The following FOXN3 variants were observed in gnomAD, a reference collection of about 807,000 sequenced individuals.
FOXN3 encodes the protein forkhead box protein N3.
A neutral mutation model predicts 38.4 loss-of-function variants in FOXN3; 7 were observed. The ratio of observed to expected loss-of-function variants is 0.18; its 90% CI spans 0.10 to 0.34. The LOEUF (loss-of-function observed/expected upper bound fraction) is 0.34, where lower values mean the gene tolerates loss of function less well. Ranked by LOEUF, FOXN3 falls within the 10% of genes least tolerant of loss-of-function variation. The pLI is 1.00. For missense variants in FOXN3, 456 were observed against 613.4 expected (o/e 0.74, Z 2.71); for synonymous variants, 230 against 242.2 (o/e 0.95, Z 0.47).
intron 3 of FOXN3, among the ~76,000 whole-genome samples, chr14:89,288,712 CTCTCTCTCTCTCTA>C (rs1886743512): frequency 8.7e-5 from 6 of 69,150 alleles, no homozygotes; most frequent in Admixed American, 3.6e-4. Flanking sequence ...CTCTCTCTCT[CTCTCTCTCTCTCTA>C]TATATATATA....
intron 1 of FOXN3, among the ~76,000 whole-genome samples, chr14:89,436,166 G>C (rs1403626943): frequency 6.6e-6 from 1 of 151,384 alleles, no homozygotes; most frequent in Non-Finnish European, 1.5e-5. Context: ...ACAACTCATG[G>C]GTAGGAAGAA....
intron 5 of FOXN3, among the ~76,000 whole-genome samples, chr14:89,174,655 T>C (rs1184848544): frequency 1.3e-5 from 2 of 152,182 alleles, no homozygotes; most frequent in South Asian, 2.1e-4. Flanking sequence ...AGCTCTAGAA[T>C]GTTGATCAAA....
chr14:89,263,564 T>TA (rs1298588344), intron 4 of FOXN3: 1 of 152,250 alleles, frequency 6.6e-6, no homozygotes, highest in Non-Finnish European at 1.5e-5. Flanking sequence ...CTTGATTTGA[T>TA]AAAATCTATG....
intron 4 of FOXN3, among the ~76,000 whole-genome samples, chr14:89,197,455 G>A (rs147506778): frequency 0.012 from 1,765 of 151,638 alleles, 41 homozygotes; most frequent in African/African-American, 0.04. Flanking sequence ...GCAGTGAGCC[G>A]AGATGGTGCC....
Position 89,267,459 on chromosome 14 carries a change from GCT to G in FOXN3, c.745+13489_745+13490del, listed in dbSNP as rs534998070. ...AAGCAGGGGCTGGGGCGGTGCTCTG[GCT>G]GGGGGAGGGGAAATGGAAGGACAAG... On this transcript the variant is annotated intron_variant, in intron 4 of 5. Transcript: ENST00000557258. 2.6e-3 allele frequency among the ~76,000 whole-genome samples: 389 copies of G among 152,306 alleles called. 2 individuals are homozygous for G. Among genetic ancestry groups the G allele is most frequent in the Middle Eastern group, 0.01 (3 of 294 alleles).
In FOXN3 at chr14:89,475,457, A is replaced by G. The variant is rs61566162; in HGVS notation, c.-14-62967T>C. On this transcript the variant is annotated intron_variant, in intron 1 of 6. Coordinates refer to the FOXN3 transcript ENST00000345097. ...GATTGCTTGAGCTCAGGAGTTCAAG[A>G]TCAGCCTGGACAACCTAGGGAGACG... 5.7e-3 allele frequency among the ~76,000 whole-genome samples: 867 copies of G among 152,174 alleles called. 10 individuals are homozygous for G. Among genetic ancestry groups the G allele is most frequent in the African/African-American group, 0.019 (794 of 41,510 alleles).
intron 1 of FOXN3, among the ~76,000 whole-genome samples, chr14:89,539,844 A>G (rs1269314247): frequency 6.6e-6 from 1 of 152,240 alleles, no homozygotes; most frequent in Non-Finnish European, 1.5e-5. Context: ...TAAAACAAAA[A>G]TATATTCAAC....
chr14:89,196,870 G>A (rs1486130514), intron 4 of FOXN3, among the ~76,000 whole-genome samples: 3 of 152,206 alleles, frequency 2.0e-5, no homozygotes, highest in Admixed American at 6.5e-5. Flanking sequence ...TACAAGGCCA[G>A]CAGGAAGCCC....
At chr14:89,400,897 T>C (rs564603280) in intron 2 of FOXN3, among the ~76,000 whole-genome samples, 30 of 152,202 alleles carry the variant, frequency 2.0e-4, no homozygotes, top group South Asian at 8.3e-4. Flanking sequence ...TCTGGTACAT[T>C]ACCTACCCTG....
chr14:89,213,642 A>G (rs1566930555), intron 4 of FOXN3, among the ~76,000 whole-genome samples: 1 of 152,224 alleles, frequency 6.6e-6, no homozygotes, highest in East Asian at 1.9e-4. Context: ...GTAAAACTTA[A>G]GTATTTGTTT....
At chr14:89,377,694 CAG>C (rs1437849080) in intron 2 of FOXN3, among the ~76,000 whole-genome samples, 2 of 152,212 alleles carry the variant, frequency 1.3e-5, no homozygotes, top group Non-Finnish European at 2.9e-5. Flanking sequence ...AACCTTATTG[CAG>C]AGAGAACCTG....
chr14:89,562,936 A>T (rs1291038628), intron 1 of FOXN3, among the ~76,000 whole-genome samples: 3 of 152,222 alleles, frequency 2.0e-5, no homozygotes, highest in Non-Finnish European at 2.9e-5. Flanking sequence ...CAGGTTAAAG[A>T]GTGGTCAGTG....
intron 1 of FOXN3, among the ~76,000 whole-genome samples, chr14:89,513,160 A>AG (rs1224633471): frequency 2.7e-5 from 4 of 150,728 alleles, no homozygotes; most frequent in Non-Finnish European, 5.9e-5. Flanking sequence ...GAAAAAAAAA[A>AG]AAAAAAAAAG....
chr14:89,496,083 G>A (rs1016650110), intron 1 of FOXN3, among the ~76,000 whole-genome samples: 2 of 152,096 alleles, frequency 1.3e-5, no homozygotes, highest in Admixed American at 1.3e-4. Flanking sequence ...TGTGGTGGCA[G>A]GCACCTGTAA....
chr14:89,355,398 C>CT (rs11296572), intron 2 of FOXN3: 76,914 of 148,832 alleles, frequency 0.52, 21,460 homozygotes, highest in Admixed American at 0.63. Context: ...CGACTATTTT[C>CT]TTTTTTTTTT....
chr14:89,430,198 A>G (rs1892126056), intron 1 of FOXN3, among the ~76,000 whole-genome samples: 1 of 152,244 alleles, frequency 6.6e-6, no homozygotes, highest in South Asian at 2.1e-4. Flanking sequence ...AACAATGCAC[A>G]AAGGCAAAAT....
At chr14:89,243,719 A>G (rs951492133) in intron 4 of FOXN3, among the ~76,000 whole-genome samples, 5 of 152,242 alleles carry the variant, frequency 3.3e-5, no homozygotes, top group Non-Finnish European at 7.3e-5. Context: ...CAAATGATCA[A>G]TGTCAACCAC....
rs1886981640 is a variant in FOXN3, at chr14:89,156,446, C to A, written c.*5968G>T. The A allele has an allele frequency of 6.6e-6, 1 of 152,618 alleles. No homozygotes were observed. The highest frequency in any genetic ancestry group is 1.5e-5 in the Non-Finnish European group (1 of 68,036). 9.5% of individuals were successfully genotyped at this position (152,618 alleles called of 1,614,324 possible). A position where few individuals can be genotyped will look rare whatever the true frequency, so the allele number is the denominator to read the frequency against. On this transcript the variant is annotated 3_prime_UTR_variant, in exon 6 of 6. Coordinates refer to ENST00000557258, the MANE Select transcript of FOXN3 (RefSeq NM_005197.4). ...AACATAACAGAACATCACGTTCTTT[C>A]TCCTTTATGGTTCTCCCTTTCTATT... is the stretch of plus-strand genomic sequence containing the variant.
intron 3 of FOXN3, among the ~76,000 whole-genome samples, chr14:89,319,299 T>G (rs1392888712): frequency 6.6e-6 from 1 of 151,946 alleles, no homozygotes; most frequent in East Asian, 1.9e-4. Flanking sequence ...AGCAAAAGGA[T>G]ATGAAGCACA....
Sources: gnomAD v4.1 joint callset for allele counts (sites outside exome capture counted in the v4.1 genomes callset) on GRCh38, gnomAD v4.1.1 for gene constraint, MANE v1.5 for transcripts, NCBI Gene and HGNC (gene_info 2026-07-23, HGNC 2026-07-21) for gene names.